GABRR3: variants seen among roughly 807,000 people sequenced by gnomAD.
GABRR3 encodes gamma-aminobutyric acid receptor subunit rho-3.
Under a neutral mutation model 43.2 loss-of-function variants are expected in GABRR3, and 29 were observed. That is an observed-to-expected ratio of 0.67 (90% confidence interval 0.50 to 0.92). The LOEUF (loss-of-function observed/expected upper bound fraction) is 0.92. Ranked by LOEUF, GABRR3 falls within the 40% of genes least tolerant of loss-of-function variation. The probability of loss-of-function intolerance (pLI) is 0.00; values close to 1 mark genes in which losing one functional copy is unlikely to be tolerated. For synonymous variants in GABRR3, 206 were observed against 195.9 expected, an observed-to-expected ratio of 1.05 and a Z score of -0.43; for missense variants, 576 against 572.3, an observed-to-expected ratio of 1.01 and a Z score of -0.07.
chr3:98,014,735 G>A (rs1327371637), intron 4 of GABRR3, among the ~76,000 whole-genome samples: 1 of 152,184 alleles, frequency 6.6e-6, no homozygotes, highest in Non-Finnish European at 1.5e-5. Flanking sequence ...TGAACTTTTA[G>A]TGATTTGGAG....
exon 8 of GABRR3, chr3:98,001,685 T>C (rs1197766186): frequency 1.2e-6 from 2 of 1,613,364 alleles, no homozygotes; most frequent in South Asian, 2.2e-5. Context: ...TCACCATCAA[T>C]ATGGCTGGGA....
At chr3:98,003,676 T>C (rs146062133) in intron 7 of GABRR3, among the ~76,000 whole-genome samples, 1 of 152,262 alleles carries the variant, frequency 6.6e-6, no homozygotes, top group Admixed American at 6.5e-5. Flanking sequence ...CCTTCTGCCC[T>C]ACATCTGAGC....
At chr3:97,986,628 G>T, downstream of GABRR3, 1 of 1,218,392 alleles carries the variant, frequency 8.2e-7, no homozygotes, top group Non-Finnish European at 1.1e-6. Context: ...ATATTCAAGA[G>T]TTTTGTTTTT....
At chr3:98,029,725 G>C (rs562995477) in intron 2 of GABRR3, among the ~76,000 whole-genome samples, 1 of 151,966 alleles carries the variant, frequency 6.6e-6, no homozygotes, top group East Asian at 1.9e-4. Context: ...TTAATTGAGG[G>C]GGTCAAGAGT....
Position 98,001,603 on chromosome 3 carries a change from G to C in GABRR3, c.907+12C>G. On this transcript the variant is annotated intron_variant, in intron 8 of 9. Coordinates refer to ENST00000621172, the Ensembl canonical transcript of GABRR3. The stretch of plus-strand genomic sequence containing the variant: ...CCATGTTAACATTTTATAAAGATGG[G>C]GAAAGATTTACCCAGGGAAACTCTT... The C allele has an allele frequency of 6.2e-7, 1 of 1,612,200 alleles. No individual in the cohort carries two copies. Among genetic ancestry groups the C allele is most frequent in the Non-Finnish European group, 8.5e-7 (1 of 1,178,862 alleles).
In GABRR3 at chr3:98,001,414, A is replaced by G. The variant is rs1706639344; in HGVS notation, c.907+201T>C. Reference sequence around the variant, plus strand: ...GTCAGTCAGCAAAGACTTCATCCCTAAAATCCGGGTTCCCAAGGAAAGAAC... The same window carrying G: ...GTCAGTCAGCAAAGACTTCATCCCTGAAATCCGGGTTCCCAAGGAAAGAAC... On this transcript the variant is annotated intron_variant, in intron 8 of 9. Coordinates refer to ENST00000621172, the Ensembl canonical transcript of GABRR3. 13 of 576,750 alleles carry G rather than the reference A, an allele frequency of 2.3e-5. No homozygotes were observed. In the South Asian group the frequency reaches 3.4e-4, roughly 15 times the overall value. The allele number at this position is 576,750 out of a possible 1,614,324, so 35.7% of individuals were successfully genotyped here.
intron 4 of GABRR3, among the ~76,000 whole-genome samples, chr3:98,016,517 C>A (rs1034509555): frequency 6.6e-6 from 1 of 152,172 alleles, no homozygotes; most frequent in African/African-American, 2.4e-5. Context: ...GCCAAGCAAA[C>A]CTCTTTTCTT....
Position 98,026,706 on chromosome 3 carries a change from T to A in GABRR3, c.126-1027A>T, listed in dbSNP as rs189132679. ...GAGGGCTCTACTAAGTGGATCCTAG[T>A]CATTCTGAATAGCTAATATGCTTTT... On this transcript the variant is annotated intron_variant, in intron 2 of 9. Coordinates refer to ENST00000621172, the Ensembl canonical transcript of GABRR3. Among the ~76,000 whole-genome samples the A allele has an allele frequency of 2.3e-4, 35 of 152,256 alleles. No individual in the cohort carries two copies. The East Asian group carries it at 6.8e-3, about 29-fold the overall frequency.
At chr3:98,029,388 T>C (rs74927682) in intron 2 of GABRR3, among the ~76,000 whole-genome samples, 2,108 of 152,294 alleles carry the variant, frequency 0.014, 54 homozygotes, top group African/African-American at 0.049. Context: ...AGGGAAAGGC[T>C]TGATTCTGAG....
intron 3 of GABRR3, among the ~76,000 whole-genome samples, chr3:98,019,831 TG>T (rs570096501): frequency 1.9e-4 from 29 of 152,316 alleles, no homozygotes; most frequent in Middle Eastern, 3.4e-3. Context: ...CCTAAAGTGC[TG>T]GGATTACAGG....
intron 2 of GABRR3, among the ~76,000 whole-genome samples, chr3:98,030,162 G>A (rs1174918857): frequency 2.6e-5 from 4 of 151,228 alleles, no homozygotes; most frequent in Admixed American, 6.6e-5. Context: ...TTTTGCAGGT[G>A]GGAGTATAAA....
chr3:98,004,658 A>C (rs1218413280), intron 7 of GABRR3, among the ~76,000 whole-genome samples: 2 of 150,524 alleles, frequency 1.3e-5, no homozygotes, highest in African/African-American at 4.9e-5. Context: ...AACAGTGGCA[A>C]CGGTAGTGGT....
Position 97,987,989 on chromosome 3 carries a change from T to A in GABRR3, c.1105-1007A>T, listed in dbSNP as rs117093095. 2.0e-3 allele frequency among the ~76,000 whole-genome samples: 297 copies of A among 151,944 alleles called. 5 individuals carry two copies. The highest frequency in any genetic ancestry group is 0.013 in the East Asian group (65 of 5,144). ...TCTTTTATTTAACTTTAAGCAGGGC[T>A]TGATCAGAAAGAAGAGCTCAGAGGA... On this transcript the variant is annotated intron_variant, in intron 9 of 9. Coordinates refer to ENST00000621172, the Ensembl canonical transcript of GABRR3.
chr3:98,004,709 G>A (rs844257), intron 7 of GABRR3, among the ~76,000 whole-genome samples: 105,016 of 150,862 alleles, frequency 0.7, 38,305 homozygotes, highest in East Asian at 0.99. Flanking sequence ...TTGTTCAGCT[G>A]TAAAATGGAA....
rs1017879592 is a variant in GABRR3 at position 98,002,397 on chromosome 3, C to T, written c.755-630G>A. ...AAACTCACGTTGGTAATATTAACTG[C>T]GCTAATTAAAAGCACCATTTGTGGT... On this transcript the variant is annotated intron_variant, in intron 7 of 9. Transcript: ENST00000621172. 1.5e-4 allele frequency among the ~76,000 whole-genome samples: 23 copies of T among 152,236 alleles called. No homozygotes were observed. In the South Asian group the frequency reaches 1.7e-3, roughly 11 times the overall value.
At chr3:97,986,924 T>C (rs1559771960) in exon 10 of GABRR3, 2 of 1,611,824 alleles carry the variant, frequency 1.2e-6, no homozygotes, top group Admixed American at 1.7e-5. Context: ...CTCGCTGTCA[T>C]GGTAACAACC....
chr3:98,018,393 G>A (rs1240137913), intron 3 of GABRR3, among the ~76,000 whole-genome samples: 3 of 152,194 alleles, frequency 2.0e-5, no homozygotes, highest in Admixed American at 6.5e-5. Flanking sequence ...TCCATTTAAT[G>A]AGAAAATACT....
At chr3:97,998,802 T>A (rs934194356) in intron 8 of GABRR3, 2 of 152,182 alleles carry the variant, frequency 1.3e-5, no homozygotes, top group African/African-American at 4.8e-5. Context: ...TAAATGTTTT[T>A]GTTTTAGAAA....
intron 7 of GABRR3, 27 bp from the exon 8 acceptor site, chr3:98,001,794 T>C: frequency 1.2e-6 from 2 of 1,611,858 alleles, no homozygotes; most frequent in South Asian, 1.1e-5. Context: ...AAGTTTTCAT[T>C]AGAGCAAGCT....
Sources: allele counts gnomAD v4.1 joint callset (sites outside exome capture counted in the v4.1 genomes callset), GRCh38; gene constraint gnomAD v4.1.1; transcripts MANE v1.5; gene names NCBI Gene and HGNC (gene_info 2026-07-23, HGNC 2026-07-21).